Variants in CDK14 observed in about 807,000 individuals in gnomAD.
CDK14 encodes cyclin dependent kinase 14.
In CDK14, 34 loss-of-function variants were observed where a neutral mutation model predicts 60.7. That is an observed-to-expected ratio of 0.56 (90% confidence interval 0.43 to 0.75). The LOEUF is 0.75. Among genes scored for constraint, CDK14 ranks in the 30% least tolerant of loss-of-function variants. The probability of loss-of-function intolerance (pLI) is 0.00; values close to 1 mark genes in which losing one functional copy is unlikely to be tolerated. For synonymous variants in CDK14, 197 were observed against 203.7 expected, an observed-to-expected ratio of 0.97 and a Z score of 0.28; for missense variants, 482 against 564.1, an observed-to-expected ratio of 0.85 and a Z score of 1.47.
intron 5 of CDK14, among the ~76,000 whole-genome samples, chr7:90,846,625 G>A (rs1373477757): frequency 6.6e-6 from 1 of 152,116 alleles, no homozygotes; most frequent in Non-Finnish European, 1.5e-5. Context: ...GTAAAAACCT[G>A]TCAGTCACCC....
At chr7:90,824,344 T>A (rs1383086079) in intron 5 of CDK14, among the ~76,000 whole-genome samples, 1 of 152,082 alleles carries the variant, frequency 6.6e-6, no homozygotes, top group Non-Finnish European at 1.5e-5. Flanking sequence ...ACACAGTTAG[T>A]GGAATGGGGC....
In CDK14 at chr7:90,848,020, T is replaced by C. The variant is rs1790522853; in HGVS notation, c.545-15155T>C. Among the ~76,000 whole-genome samples the C allele has an allele frequency of 2.6e-5, 4 of 152,194 alleles. No homozygotes were observed. The South Asian group carries it at 8.3e-4, about 31-fold the overall frequency. ...TTTTATTCTGAGTTTCATGCATTAA[T>C]TAACGTTTATCTCTGCCTTCCTCCC... On this transcript the variant is annotated intron_variant, in intron 5 of 14. Coordinates refer to ENST00000380050, the MANE Select transcript of CDK14 (RefSeq NM_001287135.2).
At chr7:90,639,004 G>C (rs972642364) in intron 2 of CDK14, among the ~76,000 whole-genome samples, 5 of 152,016 alleles carry the variant, frequency 3.3e-5, no homozygotes, top group East Asian at 1.9e-4. Flanking sequence ...GCACTTCTCT[G>C]TATTGGTTAT....
At chr7:90,835,286 G>A (rs550106519) in intron 5 of CDK14, among the ~76,000 whole-genome samples, 6 of 152,212 alleles carry the variant, frequency 3.9e-5, no homozygotes, top group South Asian at 2.1e-4. Flanking sequence ...ATTGTTAAGC[G>A]TGGGTAAGTG....
At chr7:90,811,605 A>G (rs995367296) in intron 5 of CDK14, among the ~76,000 whole-genome samples, 3 of 151,552 alleles carry the variant, frequency 2.0e-5, no homozygotes, top group Non-Finnish European at 4.4e-5. Flanking sequence ...ACAAAAGCCA[A>G]AATTGACAAA....
chr7:91,032,687 G>A (rs1796798241), intron 10 of CDK14, among the ~76,000 whole-genome samples: 1 of 152,160 alleles, frequency 6.6e-6, no homozygotes, highest in Non-Finnish European at 1.5e-5. Context: ...CCCCCCAGAG[G>A]GGACAAGGCC....
At chr7:91,037,288 C>G (rs1796958167) in intron 10 of CDK14, among the ~76,000 whole-genome samples, 1 of 152,200 alleles carries the variant, frequency 6.6e-6, no homozygotes, top group Admixed American at 6.5e-5. Context: ...AAATGTAAGA[C>G]ATCCCTTCTG....
intron 14 of CDK14, among the ~76,000 whole-genome samples, chr7:91,204,780 C>G (rs368467905): frequency 8.0e-4 from 122 of 152,194 alleles, no homozygotes; most frequent in African/African-American, 2.9e-3. Context: ...GAACCCCTGT[C>G]TCTACAAATA....
At chr7:90,690,775 T>C (rs1038898958) in intron 2 of CDK14, among the ~76,000 whole-genome samples, 5 of 152,148 alleles carry the variant, frequency 3.3e-5, no homozygotes, top group Non-Finnish European at 7.4e-5. Flanking sequence ...AAAATTGATA[T>C]ATAGCAAATG....
rs1301951354 is a variant in CDK14, at chr7:90,637,524, T to C, written c.123+33275T>C. On this transcript the variant is annotated intron_variant, in intron 2 of 14. Transcript: ENST00000380050. ...ATAGTTTGTTATAATTTCTGTTCTTTTACATTTGCTGAGGAGTGCTTTACT... is the reference window on the plus strand; with the variant it reads ...ATAGTTTGTTATAATTTCTGTTCTTCTACATTTGCTGAGGAGTGCTTTACT... Among the ~76,000 whole-genome samples the C allele has an allele frequency of 2.6e-5, 4 of 152,058 alleles. No homozygotes were observed. The East Asian group carries it at 7.7e-4, about 29-fold the overall frequency.
chr7:91,014,877 A>G (rs1277547542), intron 10 of CDK14, among the ~76,000 whole-genome samples: 2 of 152,202 alleles, frequency 1.3e-5, no homozygotes, highest in Admixed American at 6.5e-5. Flanking sequence ...GCAAGGGCCA[A>G]CTGTGAAATC....
At chr7:90,921,388 C>T (rs983310203) in intron 8 of CDK14, among the ~76,000 whole-genome samples, 2 of 152,100 alleles carry the variant, frequency 1.3e-5, no homozygotes, top group Non-Finnish European at 2.9e-5. Flanking sequence ...AGAATCTTTC[C>T]CATTATTATC....
chr7:91,074,918 ACACCCT>A (rs1413007791), intron 11 of CDK14, among the ~76,000 whole-genome samples: 5 of 152,200 alleles, frequency 3.3e-5, no homozygotes, highest in Non-Finnish European at 7.3e-5. Context: ...CATAACACAT[ACACCCT>A]CTCAAGATTA....
At chr7:90,865,623 G>C (rs1264958426) in intron 6 of CDK14, among the ~76,000 whole-genome samples, 1 of 152,180 alleles carries the variant, frequency 6.6e-6, no homozygotes, top group Non-Finnish European at 1.5e-5. Flanking sequence ...GTAGGAAACA[G>C]GAGGGCACTG....
intron 10 of CDK14, among the ~76,000 whole-genome samples, chr7:91,003,889 TA>T (rs1312095703): frequency 6.6e-6 from 1 of 152,150 alleles, no homozygotes; most frequent in Non-Finnish European, 1.5e-5. Flanking sequence ...GTGGTTATTT[TA>T]AAATGTCAGA....
intron 4 of CDK14, among the ~76,000 whole-genome samples, chr7:90,771,251 C>T (rs1047533454): frequency 6.6e-6 from 1 of 152,188 alleles, no homozygotes; most frequent in Admixed American, 6.5e-5. Flanking sequence ...TTCTTTAACA[C>T]TTCTTGCATG....
At chr7:91,119,653 T>C (rs760692257) in intron 14 of CDK14, among the ~76,000 whole-genome samples, 1 of 152,212 alleles carries the variant, frequency 6.6e-6, no homozygotes, top group Non-Finnish European at 1.5e-5. Flanking sequence ...GTCTTGTGGG[T>C]AATCTGCCAG....
At chr7:91,094,213 C>G (rs184734438) in intron 12 of CDK14, among the ~76,000 whole-genome samples, 1 of 152,220 alleles carries the variant, frequency 6.6e-6, no homozygotes, top group Non-Finnish European at 1.5e-5. Context: ...AATTATGAGA[C>G]CTTTTTCATA....
At chr7:91,045,414 G>A (rs1797204226) in intron 10 of CDK14, among the ~76,000 whole-genome samples, 1 of 152,192 alleles carries the variant, frequency 6.6e-6, no homozygotes, top group Admixed American at 6.6e-5. Context: ...TGTAATGAGA[G>A]AATTTGAGCA....
Sources: allele counts gnomAD v4.1 joint callset (sites outside exome capture counted in the v4.1 genomes callset), GRCh38; gene constraint gnomAD v4.1.1; transcripts MANE v1.5; gene names NCBI Gene and HGNC (gene_info 2026-07-23, HGNC 2026-07-21).